The following ATP2C2 variants were observed in gnomAD, a reference collection of about 807,000 sequenced individuals.
ATP2C2 encodes the protein ATPase secretory pathway Ca2+ transporting 2.
ATP2C2 carries 171 observed loss-of-function variants against 110.8 expected under a neutral mutation model. The observed-to-expected ratio is 1.54, with a 90% CI of 1.36 to 1.75. The LOEUF is 1.75. ATP2C2 is among the 40% of genes most tolerant of loss of function. ATP2C2 has a pLI of 0.00. For synonymous variants in ATP2C2, 804 were observed against 508.4 expected, an observed-to-expected ratio of 1.58 and a Z score of -7.82; for missense variants, 1,963 against 1,235.0, an observed-to-expected ratio of 1.59 and a Z score of -8.84.
intron 1 of ATP2C2, among the ~76,000 whole-genome samples, chr16:84,369,055 C>G (rs935011974): frequency 2.6e-5 from 4 of 152,214 alleles, no homozygotes; most frequent in Admixed American, 1.3e-4. Flanking sequence ...TCCTGGGTCT[C>G]CAGACTTGGG....
intron 2 of ATP2C2, among the ~76,000 whole-genome samples, chr16:84,403,681 A>G (rs1301932390): frequency 6.6e-6 from 1 of 150,534 alleles, no homozygotes; most frequent in South Asian, 2.1e-4. Context: ...GCCATTCTCT[A>G]TCTCCAGAAT....
At chr16:84,404,162 A>G (rs930530014) in intron 2 of ATP2C2, among the ~76,000 whole-genome samples, 2 of 152,192 alleles carry the variant, frequency 1.3e-5, no homozygotes, top group Non-Finnish European at 2.9e-5. Context: ...AAACTCACTG[A>G]ATCCTATCTT....
chr16:84,401,631 G>C (rs1338253560), intron 2 of ATP2C2, among the ~76,000 whole-genome samples: 1 of 152,148 alleles, frequency 6.6e-6, no homozygotes, highest in Non-Finnish European at 1.5e-5. Flanking sequence ...TCGAAAACGA[G>C]TTCACTGTAG....
At chr16:84,458,451 TAACCTGCACAATGTGCACATGTACCCTA>T (rs1308120686) in intron 21 of ATP2C2, among the ~76,000 whole-genome samples, 1 of 144,766 alleles carries the variant, frequency 6.9e-6, no homozygotes, top group Non-Finnish European at 1.5e-5. Flanking sequence ...CATATGTAAC[TAACCTGCACAATGTGCACATGTACCCTA>T]AAACTTAGAG....
intron 13 of ATP2C2, 23 bp from the exon 14 acceptor site, chr16:84,440,834 C>G (rs1909182056): frequency 2.5e-6 from 4 of 1,590,512 alleles, no homozygotes; most frequent in Non-Finnish European, 2.6e-6. Context: ...TGGCGAAACC[C>G]TTTCTTCTGC....
chr16:84,411,919 T>C (rs1906335273), intron 6 of ATP2C2, among the ~76,000 whole-genome samples: 1 of 152,080 alleles, frequency 6.6e-6, no homozygotes, highest in Non-Finnish European at 1.5e-5. Context: ...TTTTCCTTTT[T>C]CTTTTCTTTC....
intron 1 of ATP2C2, among the ~76,000 whole-genome samples, chr16:84,375,223 T>C (rs532115117): frequency 3.3e-5 from 5 of 152,320 alleles, no homozygotes; most frequent in Admixed American, 6.5e-5. Flanking sequence ...TGGACGGCTA[T>C]GATTCTAATG....
At chr16:84,421,193 G>C (rs558833121) in intron 7 of ATP2C2, among the ~76,000 whole-genome samples, 34 of 152,174 alleles carry the variant, frequency 2.2e-4, no homozygotes, top group Non-Finnish European at 4.3e-4. Context: ...GCATCGCTCA[G>C]TGACTTCTTA....
chr16:84,424,576 CTTTTTTT>C (rs371614449), intron 10 of ATP2C2, among the ~76,000 whole-genome samples: 6,430 of 114,894 alleles, frequency 0.056, 267 homozygotes, highest in African/African-American at 0.091. Flanking sequence ...CCGCACTGGG[CTTTTTTT>C]TTTTTTTTTT....
chr16:84,454,885 A>C lies in ATP2C2; in HGVS notation c.2048A>C (p.Lys683Thr). Residue 683 changes from lysine to threonine, a missense_variant, in exon 21 of 27, where the codon AAG (lysine) becomes ACG (threonine). Physicochemically the swap from Lys to Thr is moderately conservative, Grantham distance 78. Transcript: ENST00000262429. ...GGGGTGAACGACGCAGTGGCCCTGAAGTCTGCAGACATTGGGATCGCCATG... is the reference window on the plus strand; with the variant it reads ...GGGGTGAACGACGCAGTGGCCCTGACGTCTGCAGACATTGGGATCGCCATG... ...GDGVNDAVAL[K>T]SADIGIAMGQ... 2 of 1,614,064 alleles carry C rather than the reference A, an allele frequency of 1.2e-6. No homozygotes were observed. The highest frequency in any genetic ancestry group is 1.7e-6 in the Non-Finnish European group (2 of 1,179,974).
Position 84,368,576 on chromosome 16 carries a change from G to A in ATP2C2, c.-40G>A, listed in dbSNP as rs1224274361. ...GCGCGCAGCCATCCCGGGCCTCGCCGGGGACCTAGGGACGCAGGCAACGCC... is the reference window on the plus strand; with the variant it reads ...GCGCGCAGCCATCCCGGGCCTCGCCAGGGACCTAGGGACGCAGGCAACGCC... On this transcript the variant is annotated 5_prime_UTR_variant, in exon 1 of 27. Coordinates refer to ENST00000262429, the MANE Select transcript of ATP2C2 (RefSeq NM_014861.4). 6.8e-7 allele frequency: 1 copy of A among 1,471,518 alleles called. No individual in the cohort carries two copies. The highest frequency in any genetic ancestry group is 1.2e-5 in the South Asian group (1 of 82,886). The allele number at this position is 1,471,518 out of a possible 1,614,324, so 91.2% of individuals were successfully genotyped here. A position where few individuals can be genotyped will look rare whatever the true frequency, so the allele number is the denominator to read the frequency against.
chr16:84,418,071 C>G, intron 7 of ATP2C2, among the ~76,000 whole-genome samples: 1 of 152,172 alleles, frequency 6.6e-6, no homozygotes, highest in Non-Finnish European at 1.5e-5. Context: ...AGAGGCTGAG[C>G]TGGTACAGCC....
intron 6 of ATP2C2, among the ~76,000 whole-genome samples, chr16:84,413,424 A>C (rs1011915361): frequency 4.6e-5 from 7 of 152,212 alleles, no homozygotes; most frequent in African/African-American, 1.7e-4. Context: ...GAATTGACCC[A>C]CATCACAGAG....
chr16:84,442,369 T>C lies in ATP2C2; in HGVS notation c.1312-141T>C, dbSNP rs539348725. On this transcript the variant is annotated intron_variant, in intron 14 of 26. Coordinates refer to ENST00000262429, the MANE Select transcript of ATP2C2 (RefSeq NM_014861.4). ...CAAGAAATAGTCACGATGTTTCTTT[T>C]AAAAAGCCGGGACGCTGAGTTGTTT... 3 of 757,124 alleles carry C rather than the reference T, an allele frequency of 4.0e-6. 1 individual carries two copies. In the East Asian group the frequency reaches 7.8e-5, roughly 20 times the overall value. 46.9% of individuals were successfully genotyped at this position (757,124 alleles called of 1,614,324 possible).
chr16:84,463,803 C>G lies in ATP2C2; in HGVS notation c.*71C>G. The stretch of plus-strand genomic sequence containing the variant: ...GTGACTGTGGCCCCTGCCGTGTCTC[C>G]TCGTCAGGGGAGACTTTTAGGAGGC... On this transcript the variant is annotated 3_prime_UTR_variant, in exon 27 of 27. Coordinates refer to ENST00000262429, the MANE Select transcript of ATP2C2 (RefSeq NM_014861.4). 1 of 1,370,312 alleles carries G rather than the reference C, an allele frequency of 7.3e-7. No homozygotes were observed. Among genetic ancestry groups the G allele is most frequent in the Non-Finnish European group, 1.0e-6 (1 of 962,142 alleles). The allele number at this position is 1,370,312 out of a possible 1,614,324, so 84.9% of individuals were successfully genotyped here. A position where few individuals can be genotyped will look rare whatever the true frequency, so the allele number is the denominator to read the frequency against.
intron 7 of ATP2C2, among the ~76,000 whole-genome samples, chr16:84,421,121 G>C (rs1187569866): frequency 6.6e-6 from 1 of 152,160 alleles, no homozygotes; most frequent in Non-Finnish European, 1.5e-5. Flanking sequence ...TGACAGTTTT[G>C]AGGAGCCCCA....
At chr16:84,433,023 C>T (rs1217850972) in intron 11 of ATP2C2, among the ~76,000 whole-genome samples, 1 of 152,132 alleles carries the variant, frequency 6.6e-6, no homozygotes, top group African/African-American at 2.4e-5. Flanking sequence ...GGGAGGGAGA[C>T]ATTTGAGCCT....
chr16:84,420,577 G>A (rs1449891076), intron 7 of ATP2C2, among the ~76,000 whole-genome samples: 2 of 151,196 alleles, frequency 1.3e-5, no homozygotes, highest in South Asian at 2.1e-4. Flanking sequence ...ATCCCCTCCT[G>A]TTTTTAATGC....
At chr16:84,418,929 C>G (rs1382711578) in intron 7 of ATP2C2, among the ~76,000 whole-genome samples, 1 of 152,128 alleles carries the variant, frequency 6.6e-6, no homozygotes, top group East Asian at 1.9e-4. Context: ...CTAACAGGGT[C>G]CAGGCGCGGT....
Sources: gnomAD v4.1 joint callset for allele counts (sites outside exome capture counted in the v4.1 genomes callset) on GRCh38, gnomAD v4.1.1 for gene constraint, MANE v1.5 for transcripts, NCBI Gene and HGNC (gene_info 2026-07-23, HGNC 2026-07-21) for gene names.